Variants in WASF2 observed in about 807,000 individuals in gnomAD.
WASF2 encodes the protein WASP family member 2.
WASF2 carries 14 observed loss-of-function variants against 45.0 expected under a neutral mutation model. That is an observed-to-expected ratio of 0.31 (90% CI 0.21 to 0.49). The LOEUF (loss-of-function observed/expected upper bound fraction) is 0.49. WASF2 is among the 20% of genes least tolerant of loss of function. WASF2 has a pLI of 0.99. For synonymous variants in WASF2, 200 were observed against 236.3 expected, an observed-to-expected ratio of 0.85 and a Z score of 1.41; for missense variants, 439 against 636.1, an observed-to-expected ratio of 0.69 and a Z score of 3.33.
intron 1 of WASF2, among the ~76,000 whole-genome samples, chr1:27,472,796 A>G (rs2017708966): frequency 7.5e-6 from 1 of 133,978 alleles, no homozygotes; most frequent in African/African-American, 3.3e-5. Context: ...CCCCATCTTT[A>G]CCAAAAAAAA....
chr1:27,453,636 T>C (rs1338693058), intron 1 of WASF2, among the ~76,000 whole-genome samples: 1 of 145,464 alleles, frequency 6.9e-6, no homozygotes, highest in Non-Finnish European at 1.5e-5. Flanking sequence ...CTCACGCCTG[T>C]AATCCTAGCA....
At chr1:27,458,817 T>G (rs1259719797) in intron 1 of WASF2, among the ~76,000 whole-genome samples, 1 of 151,348 alleles carries the variant, frequency 6.6e-6, no homozygotes, top group Non-Finnish European at 1.5e-5. Context: ...ATTAAAAAAT[T>G]TTTTTTAAAA....
intron 1 of WASF2, among the ~76,000 whole-genome samples, chr1:27,442,526 G>C (rs1486796981): frequency 6.6e-6 from 1 of 151,720 alleles, no homozygotes; most frequent in Non-Finnish European, 1.5e-5. Context: ...CTAGGAGACA[G>C]AGCGAGACTC....
chr1:27,488,868 T>A (rs1161444516), intron 1 of WASF2, among the ~76,000 whole-genome samples: 2 of 152,208 alleles, frequency 1.3e-5, no homozygotes, highest in Non-Finnish European at 2.9e-5. Context: ...TGTGCGACCT[T>A]GGGCAAATTA....
chr1:27,472,878 G>A (rs1338141709), intron 1 of WASF2, among the ~76,000 whole-genome samples: 1 of 149,982 alleles, frequency 6.7e-6, no homozygotes, highest in Non-Finnish European at 1.5e-5. Context: ...AGGCTGAGGT[G>A]GGAGGATCCC....
chr1:27,428,858 C>T lies in WASF2; in HGVS notation c.33G>A (p.Arg11=), dbSNP rs2017022803. 3 of 1,614,172 alleles carry T rather than the reference C, an allele frequency of 1.9e-6. No individual in the cohort carries two copies. Among genetic ancestry groups the T allele is most frequent in the East Asian group, 2.2e-5 (1 of 44,876 alleles). Residue 11 remains arginine (R), a synonymous_variant, in exon 2 of 9, where the codon AGG becomes AGA. Coordinates refer to ENST00000618852, the MANE Select transcript of WASF2 (RefSeq NM_006990.5). ...TAGGCAACGTCTGACGGCACAGGTG[C>T]CTTGGCTCGATGTTCCTCGTTACTA... MPLVTRNIEP[R]HLCRQTLPSV...
At position 27,407,173 on chromosome 1, in the gene WASF2, C is replaced by T. The variant is rs2016689332; in HGVS notation, c.*1016G>A. 1 of 152,614 alleles carries T rather than the reference C, an allele frequency of 6.6e-6. No homozygotes were observed. Among genetic ancestry groups the T allele is most frequent in the Non-Finnish European group, 1.5e-5 (1 of 68,108 alleles). The allele number at this position is 152,614 out of a possible 1,614,324, so 9.5% of individuals were successfully genotyped here. On this transcript the variant is annotated 3_prime_UTR_variant, in exon 9 of 9. Coordinates refer to ENST00000618852, the MANE Select transcript of WASF2 (RefSeq NM_006990.5). ...AGCAATACAACTGAGAAAGCTCTGC[C>T]CGGACTCCAGCAGGTGCCCATTCTT...
At chr1:27,423,101 A>G (rs2016930816) in intron 2 of WASF2, among the ~76,000 whole-genome samples, 1 of 145,658 alleles carries the variant, frequency 6.9e-6, no homozygotes, top group African/African-American at 2.5e-5. Context: ...AGATCATACC[A>G]CTTCACTTCA....
At chr1:27,427,087 A>G (rs2504770) in intron 2 of WASF2, among the ~76,000 whole-genome samples, 116,009 of 152,090 alleles carry the variant, frequency 0.76, 47,159 homozygotes, top group Non-Finnish European at 0.9. Context: ...TCTTATTCTT[A>G]TTGAGTATCC....
chr1:27,443,993 CTGG>C, intron 1 of WASF2, among the ~76,000 whole-genome samples: 1 of 152,214 alleles, frequency 6.6e-6, no homozygotes, highest in East Asian at 1.9e-4. Context: ...GTTGGCCAGG[CTGG>C]TCTCGAACTC....
At chr1:27,431,353 T>C (rs1024248622) in intron 1 of WASF2, among the ~76,000 whole-genome samples, 3 of 152,202 alleles carry the variant, frequency 2.0e-5, no homozygotes, top group African/African-American at 7.2e-5. Flanking sequence ...GGTACTAAGA[T>C]GCAATCTTCA....
chr1:27,487,459 T>TTA (rs1383652122), intron 1 of WASF2, among the ~76,000 whole-genome samples: 1 of 117,830 alleles, frequency 8.5e-6, no homozygotes, highest in Non-Finnish European at 1.7e-5. Flanking sequence ...AAATATATAT[T>TTA]TATATAAATA....
At chr1:27,454,107 A>G (rs944819035) in intron 1 of WASF2, among the ~76,000 whole-genome samples, 83 of 144,724 alleles carry the variant, frequency 5.7e-4, no homozygotes, top group African/African-American at 2.0e-3. Context: ...ATACATATAT[A>G]TGTGTATATA....
chr1:27,416,132 C>T, intron 4 of WASF2, 30 bp from the exon 5 acceptor site: 3 of 1,591,280 alleles, frequency 1.9e-6, no homozygotes, highest in Non-Finnish European at 1.7e-6. Flanking sequence ...AAGTAGCTGT[C>T]AGTAGACAGA....
At chr1:27,454,821 CA>C (rs1557612780) in intron 1 of WASF2, among the ~76,000 whole-genome samples, 3,160 of 152,178 alleles carry the variant, frequency 0.021, 102 homozygotes, top group African/African-American at 0.071. Flanking sequence ...ATTGTAGGAA[CA>C]TATCATGATT....
rs988670921 is a variant in WASF2 at position 27,414,287 on chromosome 1, A to T, written c.668+546T>A. Among the ~76,000 whole-genome samples, 5 of 152,216 alleles carry T rather than the reference A, an allele frequency of 3.3e-5. No homozygotes were observed. The highest frequency in any genetic ancestry group is 1.2e-4 in the African/African-American group (5 of 41,456). On this transcript the variant is annotated intron_variant, in intron 6 of 8. Transcript: ENST00000618852. This position sits in a 1 kb window ranked among gnomAD's most constrained non-coding sequence, Gnocchi z 4.1. ...AGACTGACACCTCTTATTTCTCCAC[A>T]GAGATATATAGCCTCAATACTGGCC... is the stretch of plus-strand genomic sequence containing the variant.
At chr1:27,424,532 T>TA (rs2016950904) in intron 2 of WASF2, among the ~76,000 whole-genome samples, 1 of 150,672 alleles carries the variant, frequency 6.6e-6, no homozygotes, top group Non-Finnish European at 1.5e-5. Flanking sequence ...CTTCAACAAT[T>TA]TTTTTTTTTT....
chr1:27,447,700 TGATGATCACAGTGCTCCAGAAG>T (rs2017329182), intron 1 of WASF2, among the ~76,000 whole-genome samples: 1 of 152,182 alleles, frequency 6.6e-6, no homozygotes, highest in African/African-American at 2.4e-5. Context: ...TGATACCTGA[TGATGATCACAGTGCTCCAGAAG>T]GACAGCACCA....
Position 27,467,574 on chromosome 1 carries a change from T to A in WASF2, c.-44+22412A>T, listed in dbSNP as rs1164967623. Among the ~76,000 whole-genome samples the A allele has an allele frequency of 2.7e-5, 4 of 150,824 alleles. No homozygotes were observed. In the East Asian group the frequency reaches 6.0e-4, roughly 23 times the overall value. ...CCTTGACCTCCCAAAGTGCTGGGAT[T>A]ACAGGCGTGAGCCACCACGCCTAGC... On this transcript the variant is annotated intron_variant, in intron 1 of 8. Coordinates refer to ENST00000618852, the MANE Select transcript of WASF2 (RefSeq NM_006990.5).
Sources: gnomAD v4.1 joint callset for allele counts (sites outside exome capture counted in the v4.1 genomes callset) on GRCh38, gnomAD v4.1.1 for gene constraint, Gnocchi (gnomAD v3.1) non-coding constraint, MANE v1.5 for transcripts, NCBI Gene and HGNC (gene_info 2026-07-23, HGNC 2026-07-21) for gene names.